The following CERS3 variants were observed in gnomAD, a reference collection of about 807,000 sequenced individuals.
The protein encoded by CERS3 is ceramide synthase 3.
Under a neutral mutation model 50.3 loss-of-function variants are expected in CERS3, and 33 were observed. The ratio of observed to expected loss-of-function variants is 0.66; its 90% CI spans 0.50 to 0.88. The LOEUF is 0.88. CERS3 is among the 40% of genes least tolerant of loss of function. The probability of loss-of-function intolerance (pLI) is 0.00; values close to 1 mark genes in which losing one functional copy is unlikely to be tolerated. For synonymous variants in CERS3, 176 were observed against 155.2 expected (o/e 1.13, Z -0.99); for missense variants, 470 against 460.3 (o/e 1.02, Z -0.19).
intron 5 of CERS3, among the ~76,000 whole-genome samples, chr15:100,482,250 G>C (rs912075807): frequency 2.0e-5 from 3 of 152,100 alleles, no homozygotes; most frequent in Admixed American, 6.5e-5. Context: ...ACATAAACGT[G>C]GGGGGAGAGA....
chr15:100,467,736 T>C (rs1231027847), intron 10 of CERS3, among the ~76,000 whole-genome samples: 1 of 98,720 alleles, frequency 1.0e-5, no homozygotes, highest in African/African-American at 3.2e-5. Flanking sequence ...CTATCAATAA[T>C]TGCTATCATT....
chr15:100,530,617 C>T (rs2036914582), upstream of CERS3, among the ~76,000 whole-genome samples: 1 of 152,190 alleles, frequency 6.6e-6, no homozygotes, highest in African/African-American at 2.4e-5. Context: ...ACTGGACAAG[C>T]CTTAGATCTC....
chr15:100,525,039 T>G lies in CERS3; in HGVS notation c.-91-3283A>C, dbSNP rs558104629. On this transcript the variant is annotated intron_variant, in intron 1 of 11. Coordinates refer to ENST00000679737, the MANE Select transcript of CERS3 (RefSeq NM_001378789.1). ...TAATATTTTACCTCTCCAAATAACC[T>G]AAATATATGCCTTACCTGTGAATTT... Among the ~76,000 whole-genome samples the G allele has an allele frequency of 1.6e-4, 25 of 152,322 alleles. 2 individuals are homozygous for G. Among genetic ancestry groups the G allele is most frequent in the Admixed American group, 1.3e-3 (20 of 15,294 alleles).
intron 11 of CERS3, among the ~76,000 whole-genome samples, chr15:100,432,620 T>C (rs1364416742): frequency 1.3e-5 from 2 of 152,184 alleles, no homozygotes; most frequent in African/African-American, 4.8e-5. Flanking sequence ...TAGAAAACTG[T>C]GCTGACTTCT....
At chr15:100,468,108 A>T (rs1433352371) in intron 10 of CERS3, among the ~76,000 whole-genome samples, 2 of 152,058 alleles carry the variant, frequency 1.3e-5, no homozygotes, top group African/African-American at 4.8e-5. Context: ...AATATCTGAG[A>T]CATTTATCTT....
chr15:100,414,396 A>G (rs574227115), intron 11 of CERS3, among the ~76,000 whole-genome samples: 3 of 152,274 alleles, frequency 2.0e-5, no homozygotes, highest in South Asian at 2.1e-4. Flanking sequence ...TTAAACTACC[A>G]TTGACATTCT....
intron 11 of CERS3, among the ~76,000 whole-genome samples, chr15:100,433,664 G>T (rs1187606369): frequency 6.6e-6 from 1 of 152,164 alleles, no homozygotes; most frequent in African/African-American, 2.4e-5. Flanking sequence ...TCCCTCACAG[G>T]TGTGGAAGCC....
intron 10 of CERS3, among the ~76,000 whole-genome samples, chr15:100,467,769 C>CTA (rs1349950713): frequency 0.012 from 1,605 of 129,154 alleles, 41 homozygotes; most frequent in African/African-American, 0.028. Flanking sequence ...CTCTCTCTCT[C>CTA]TATATATATA....
In CERS3 at chr15:100,537,273, C is replaced by T. The variant is rs115139523; in HGVS notation, c.-355+7378G>A. On this transcript the variant is annotated intron_variant, in intron 1 of 12. Coordinates refer to the CERS3 transcript ENST00000284382. ...ATGACCCATTCCCAAGAAAAAGACA[C>T]TCACACTGTCTGCCTTCTCATTAAC... Among the ~76,000 whole-genome samples the T allele has an allele frequency of 2.6e-3, 400 of 152,358 alleles. 3 individuals carry two copies. The highest frequency in any genetic ancestry group is 9.0e-3 in the African/African-American group (376 of 41,586).
chr15:100,532,266 G>A (rs76460376), upstream of CERS3, among the ~76,000 whole-genome samples: 2,639 of 152,234 alleles, frequency 0.017, 70 homozygotes, highest in African/African-American at 0.058. Flanking sequence ...AGAAGAAAAC[G>A]TAAGAATCAA....
chr15:100,489,351 A>C (rs1322397312), intron 4 of CERS3, among the ~76,000 whole-genome samples: 1 of 152,172 alleles, frequency 6.6e-6, no homozygotes, highest in Non-Finnish European at 1.5e-5. Flanking sequence ...TCCTCATCTT[A>C]ATCATGAAAA....
At chr15:100,533,247 G>A (rs2036984071), upstream of CERS3, among the ~76,000 whole-genome samples, 1 of 152,134 alleles carries the variant, frequency 6.6e-6, no homozygotes, top group Admixed American at 6.5e-5. Flanking sequence ...CACGTCACCT[G>A]TCACCTTCTA....
intron 11 of CERS3, among the ~76,000 whole-genome samples, chr15:100,436,492 G>C (rs1011501941): frequency 2.0e-5 from 3 of 152,066 alleles, no homozygotes. Context: ...GCAAGGGGAG[G>C]AAGAGCATTA....
intron 10 of CERS3, among the ~76,000 whole-genome samples, chr15:100,466,428 T>C (rs949023707): frequency 6.6e-6 from 1 of 152,146 alleles, no homozygotes; most frequent in East Asian, 1.9e-4. Context: ...TCGAAACTGC[T>C]CCCATCAAGA....
intron 8 of CERS3, among the ~76,000 whole-genome samples, chr15:100,474,603 C>A (rs150559272): frequency 0.043 from 6,480 of 152,240 alleles, 350 homozygotes; most frequent in African/African-American, 0.11. Context: ...CAGGATTTCA[C>A]CATGTTGGCC....
At chr15:100,411,051 A>G (rs2031442921) in intron 11 of CERS3, among the ~76,000 whole-genome samples, 1 of 152,194 alleles carries the variant, frequency 6.6e-6, no homozygotes, top group African/African-American at 2.4e-5. Context: ...TACCTCATAT[A>G]AGTGGAATCA....
At chr15:100,506,793 G>A (rs2142346116) in intron 2 of CERS3, among the ~76,000 whole-genome samples, 1 of 152,316 alleles carries the variant, frequency 6.6e-6, no homozygotes, top group South Asian at 2.1e-4. Context: ...GAGGGAAAAT[G>A]AGAAATGGCT....
At chr15:100,509,247 TA>T (rs1318787781) in intron 2 of CERS3, among the ~76,000 whole-genome samples, 12 of 152,292 alleles carry the variant, frequency 7.9e-5, no homozygotes, top group African/African-American at 2.9e-4. Context: ...ATGGAAGGAA[TA>T]AAACCAGTTG....
chr15:100,522,843 C>T (rs190405088), intron 1 of CERS3, among the ~76,000 whole-genome samples: 1 of 152,130 alleles, frequency 6.6e-6, no homozygotes, highest in Admixed American at 6.5e-5. Context: ...AGAACATATA[C>T]CTGGGAGTGG....
Sources: gnomAD v4.1 joint callset for allele counts (sites outside exome capture counted in the v4.1 genomes callset) on GRCh38, gnomAD v4.1.1 for gene constraint, MANE v1.5 for transcripts, NCBI Gene and HGNC (gene_info 2026-07-23, HGNC 2026-07-21) for gene names.